Variants in MYO1E observed in about 807,000 individuals in gnomAD.
The protein encoded by MYO1E is myosin IE, also known as unconventional myosin-Ie.
In MYO1E, 68 loss-of-function variants were observed where a neutral mutation model predicts 151.1. The ratio of observed to expected loss-of-function variants is 0.45; its 90% CI spans 0.37 to 0.55. The LOEUF (loss-of-function observed/expected upper bound fraction) is 0.55. Ranked by LOEUF, MYO1E falls within the 20% of genes least tolerant of loss-of-function variation. MYO1E has a pLI of 0.00. For missense variants in MYO1E, 1,363 were observed against 1,389.3 expected (o/e 0.98, Z 0.30); for synonymous variants, 601 against 501.7 (o/e 1.20, Z -2.64).
chr15:59,254,190 AT>A, intron 4 of MYO1E, among the ~76,000 whole-genome samples: 1 of 152,144 alleles, frequency 6.6e-6, no homozygotes, highest in East Asian at 1.9e-4. Flanking sequence ...GGTTTGCTTT[AT>A]TAAAAAAACA....
intron 1 of MYO1E, among the ~76,000 whole-genome samples, chr15:59,318,600 T>C (rs2080604399): frequency 6.6e-6 from 1 of 152,174 alleles, no homozygotes; most frequent in Admixed American, 6.5e-5. Context: ...CATAGACATT[T>C]GGAAGTTACA....
chr15:59,324,673 C>CCCA (rs1491466100), intron 1 of MYO1E, among the ~76,000 whole-genome samples: 2 of 147,144 alleles, frequency 1.4e-5, no homozygotes, highest in East Asian at 2.0e-4. Context: ...GCCCCCCCCC[C>CCCA]ACAGAGGGCA....
At chr15:59,360,378 T>C (rs1384694781) in intron 1 of MYO1E, among the ~76,000 whole-genome samples, 1 of 152,068 alleles carries the variant, frequency 6.6e-6, no homozygotes, top group African/African-American at 2.4e-5. Flanking sequence ...AGAATTTTTG[T>C]CTGTGTGTGG....
chr15:59,200,234 G>A (rs2079792643), intron 16 of MYO1E, among the ~76,000 whole-genome samples: 1 of 152,122 alleles, frequency 6.6e-6, no homozygotes, highest in African/African-American at 2.4e-5. Flanking sequence ...TGGATGATCT[G>A]GGCCCCTTGG....
chr15:59,224,275 G>A (rs190137034), intron 8 of MYO1E, among the ~76,000 whole-genome samples: 1 of 108,884 alleles, frequency 9.2e-6, no homozygotes, highest in African/African-American at 2.5e-5. Context: ...TTCAAAACCA[G>A]AAAAGAAATA....
chr15:59,171,610 A>G (rs2079594736), intron 22 of MYO1E, among the ~76,000 whole-genome samples: 1 of 152,192 alleles, frequency 6.6e-6, no homozygotes, highest in African/African-American at 2.4e-5. Flanking sequence ...GAGGTGTTCC[A>G]TATACCGGGT....
At chr15:59,246,543 C>T (rs570251920) in intron 4 of MYO1E, among the ~76,000 whole-genome samples, 34 of 152,350 alleles carry the variant, frequency 2.2e-4, no homozygotes, top group African/African-American at 7.5e-4. Context: ...GCTTCCTCCT[C>T]GCCTTTCTAA....
At chr15:59,190,611 T>C (rs138002683) in intron 17 of MYO1E, among the ~76,000 whole-genome samples, 3 of 152,366 alleles carry the variant, frequency 2.0e-5, no homozygotes, top group Admixed American at 6.5e-5. Flanking sequence ...AGCCAGGTTC[T>C]GGTGCTGCAT....
chr15:59,347,333 C>T (rs1243750572), intron 1 of MYO1E, among the ~76,000 whole-genome samples: 2 of 152,160 alleles, frequency 1.3e-5, no homozygotes, highest in African/African-American at 4.8e-5. Flanking sequence ...CCAAAACCAT[C>T]CCCACTCCAC....
intron 1 of MYO1E, among the ~76,000 whole-genome samples, chr15:59,308,875 T>C (rs2080532597): frequency 6.6e-6 from 1 of 151,788 alleles, no homozygotes; most frequent in South Asian, 2.1e-4. Flanking sequence ...TTGTTTATTA[T>C]TTATTTATTA....
intron 9 of MYO1E, among the ~76,000 whole-genome samples, chr15:59,222,673 C>T (rs143218566): frequency 1.4e-4 from 21 of 152,218 alleles, no homozygotes; most frequent in Non-Finnish European, 3.1e-4. Flanking sequence ...AATTTAGATC[C>T]TAAAGACCAG....
intron 1 of MYO1E, among the ~76,000 whole-genome samples, chr15:59,293,579 T>C (rs552363835): frequency 1.3e-5 from 2 of 151,918 alleles, no homozygotes; most frequent in East Asian, 1.9e-4. Flanking sequence ...ATAATTTTTG[T>C]GAAATTAAAA....
At chr15:59,195,889 A>T (rs2079763575) in intron 16 of MYO1E, among the ~76,000 whole-genome samples, 1 of 152,246 alleles carries the variant, frequency 6.6e-6, no homozygotes, top group African/African-American at 2.4e-5. Context: ...TTCAGGTGGT[A>T]CAGTGAAGCA....
At chr15:59,234,162 C>G (rs529812815) in intron 5 of MYO1E, among the ~76,000 whole-genome samples, 15 of 152,030 alleles carry the variant, frequency 9.9e-5, no homozygotes, top group Non-Finnish European at 1.9e-4. Context: ...TCTCTTTTCC[C>G]TGATATGCTC....
At chr15:59,339,421 T>C (rs143047868) in intron 1 of MYO1E, among the ~76,000 whole-genome samples, 3 of 152,342 alleles carry the variant, frequency 2.0e-5, no homozygotes, top group African/African-American at 7.2e-5. Flanking sequence ...TACAAAACCT[T>C]TGACCTAACT....
rs2079370436 is a variant in MYO1E at position 59,136,008 on chromosome 15, G to A, written c.*1372C>T. The A allele has an allele frequency of 1.3e-5, 2 of 152,320 alleles. No individual in the cohort carries two copies. The highest frequency in any genetic ancestry group is 4.1e-4 in the South Asian group (2 of 4,830). The allele number at this position is 152,320 out of a possible 1,614,324, so 9.4% of individuals were successfully genotyped here. On this transcript the variant is annotated 3_prime_UTR_variant, in exon 28 of 28. Transcript: ENST00000288235. Reference sequence around the variant, plus strand: ...AAATGTATTGCCTCACAGTTCTGGAGGTTGGAAGTCCAAGACCAAGGTGGG... The same window carrying A: ...AAATGTATTGCCTCACAGTTCTGGAAGTTGGAAGTCCAAGACCAAGGTGGG...
Position 59,372,662 on chromosome 15 carries a change from T to TA in MYO1E, c.-163_-162insT. 1.1e-6 allele frequency: 1 copy of TA among 876,018 alleles called. No individual in the cohort carries two copies. The highest frequency in any genetic ancestry group is 1.7e-6 in the Non-Finnish European group (1 of 587,570). The allele number at this position is 876,018 out of a possible 1,614,324, so 54.3% of individuals were successfully genotyped here. A position where few individuals can be genotyped will look rare whatever the true frequency, so the allele number is the denominator to read the frequency against. ...GAGCCAATGGGAACCCAGAGGGGAC[T>TA]CCATCCAGGCGGGATTGGCGGTGCT... On this transcript the variant is annotated 5_prime_UTR_variant, in exon 1 of 28. It removes the in-frame stop codon of an upstream open reading frame in the 5' UTR. Coordinates refer to ENST00000288235, the MANE Select transcript of MYO1E (RefSeq NM_004998.4).
chr15:59,145,514 G>A (rs2079436085), intron 26 of MYO1E, among the ~76,000 whole-genome samples: 1 of 152,152 alleles, frequency 6.6e-6, no homozygotes, highest in African/African-American at 2.4e-5. Flanking sequence ...AGCCTCCCGA[G>A]TAGCTGGGAT....
In MYO1E at chr15:59,224,762, T is replaced by C; in HGVS notation, c.704A>G (p.Tyr235Cys). ...TGAGCCCGAGAGGCTCAGGTAGTAA[T>C]AATAGTCCATGCTGGTGATGCCAAG... ...HSLGITSMDY[Y>C]YYLSLSGSYK... Residue 235 changes from tyrosine (Y) to cysteine (C), a missense_variant, in exon 8 of 28, where the codon TAT becomes TGT. Tyr to Cys is a radical substitution (Grantham distance 194, BLOSUM62 -2). Coordinates refer to ENST00000288235, the MANE Select transcript of MYO1E (RefSeq NM_004998.4). 1 of 1,614,140 alleles carries C rather than the reference T, an allele frequency of 6.2e-7. No homozygotes were observed. The highest frequency in any genetic ancestry group is 8.5e-7 in the Non-Finnish European group (1 of 1,180,026).
Sources: allele counts gnomAD v4.1 joint callset (sites outside exome capture counted in the v4.1 genomes callset), GRCh38; gene constraint gnomAD v4.1.1; transcripts MANE v1.5; gene names NCBI Gene and HGNC (gene_info 2026-07-23, HGNC 2026-07-21).